The following SYT1 variants were observed in gnomAD, a reference collection of about 807,000 sequenced individuals.
The protein encoded by SYT1 is synaptotagmin-1.
In SYT1, 8 loss-of-function variants were observed where a neutral mutation model predicts 44.8. The ratio of observed to expected loss-of-function variants is 0.18; its 90% CI spans 0.10 to 0.32. SYT1 has a LOEUF of 0.32. Ranked by LOEUF, SYT1 falls within the 10% of genes least tolerant of loss-of-function variation. The probability of loss-of-function intolerance (pLI) is 1.00; values close to 1 mark genes in which losing one functional copy is unlikely to be tolerated. For missense variants in SYT1, 286 were observed against 509.3 expected (o/e 0.56, Z 4.22); for synonymous variants, 154 against 188.8 (o/e 0.82, Z 1.51).
At chr12:78,917,988 T>C (rs1471773521) in intron 1 of SYT1, among the ~76,000 whole-genome samples, 2 of 152,102 alleles carry the variant, frequency 1.3e-5, no homozygotes, top group Admixed American at 6.6e-5. Flanking sequence ...AGCTCAGAAA[T>C]GTACAAGCAA....
At chr12:78,979,720 T>C (rs1869105991) in intron 2 of SYT1, among the ~76,000 whole-genome samples, 1 of 152,108 alleles carries the variant, frequency 6.6e-6, no homozygotes, top group Admixed American at 6.6e-5. Flanking sequence ...AATTTTAATA[T>C]TTAGTGTTAA....
intron 3 of SYT1, among the ~76,000 whole-genome samples, chr12:79,167,238 A>G (rs1871270609): frequency 6.6e-6 from 1 of 152,078 alleles, no homozygotes; most frequent in Non-Finnish European, 1.5e-5. Context: ...TTTCAAGAAG[A>G]CGTAGGGCAT....
intron 9 of SYT1, among the ~76,000 whole-genome samples, chr12:79,358,913 G>A (rs929711784): frequency 6.6e-6 from 1 of 152,086 alleles, no homozygotes; most frequent in Non-Finnish European, 1.5e-5. Context: ...ATAGCTCCAG[G>A]GTGCCCCCTT....
At chr12:79,408,874 C>G (rs1379926047) in intron 9 of SYT1, among the ~76,000 whole-genome samples, 1 of 151,948 alleles carries the variant, frequency 6.6e-6, no homozygotes, top group African/African-American at 2.4e-5. Context: ...CCTGAGTCTA[C>G]AATTATGCAC....
intron 2 of SYT1, among the ~76,000 whole-genome samples, chr12:79,044,899 A>G (rs565694149): frequency 2.6e-5 from 4 of 152,164 alleles, no homozygotes; most frequent in Non-Finnish European, 5.9e-5. Flanking sequence ...GTGAGGTGTC[A>G]GTGTGCCCCT....
At chr12:79,095,164 G>C (rs1017991344) in intron 3 of SYT1, among the ~76,000 whole-genome samples, 2 of 151,790 alleles carry the variant, frequency 1.3e-5, no homozygotes, top group Non-Finnish European at 2.9e-5. Context: ...ATTATCAAAC[G>C]AGTACCCCAA....
chr12:78,903,684 AT>A (rs1875794433), intron 1 of SYT1, among the ~76,000 whole-genome samples: 1 of 152,094 alleles, frequency 6.6e-6, no homozygotes, highest in African/African-American at 2.4e-5. Context: ...GGTTTTCTTT[AT>A]TGGTTAAAGA....
chr12:78,969,745 A>C (rs1868332493), intron 1 of SYT1, among the ~76,000 whole-genome samples: 1 of 152,232 alleles, frequency 6.6e-6, no homozygotes, highest in African/African-American at 2.4e-5. Flanking sequence ...AGTTATCATC[A>C]GAGCAAAGGT....
intron 3 of SYT1, among the ~76,000 whole-genome samples, chr12:79,183,448 G>T (rs1046599610): frequency 6.6e-6 from 1 of 151,934 alleles, no homozygotes; most frequent in African/African-American, 2.4e-5. Context: ...CAGGGAAAAG[G>T]GTGCTACTGG....
intron 3 of SYT1, among the ~76,000 whole-genome samples, chr12:79,129,798 A>T (rs1256310662): frequency 6.6e-6 from 1 of 152,184 alleles, no homozygotes; most frequent in Non-Finnish European, 1.5e-5. Flanking sequence ...GGTGGCTTTT[A>T]ATATAGTAAA....
At chr12:79,093,008 A>C (rs1877883530) in intron 3 of SYT1, among the ~76,000 whole-genome samples, 2 of 151,744 alleles carry the variant, frequency 1.3e-5, no homozygotes, top group African/African-American at 4.8e-5. Context: ...TTTGGAATAC[A>C]TGTGAATAAC....
chr12:79,160,933 C>T (rs1438827463), intron 3 of SYT1, among the ~76,000 whole-genome samples: 1 of 152,064 alleles, frequency 6.6e-6, no homozygotes, highest in Non-Finnish European at 1.5e-5. Context: ...GATAGTGGTC[C>T]ATAAAATTAT....
chr12:78,905,850 C>T (rs1875951739), intron 1 of SYT1, among the ~76,000 whole-genome samples: 1 of 151,788 alleles, frequency 6.6e-6, no homozygotes, highest in Admixed American at 6.6e-5. Flanking sequence ...ATTTAAAACT[C>T]TAATATGGAG....
At chr12:79,429,591 C>T (rs552327631) in intron 9 of SYT1, among the ~76,000 whole-genome samples, 4 of 150,390 alleles carry the variant, frequency 2.7e-5, no homozygotes, top group South Asian at 2.1e-4. Context: ...TGCAGTGACG[C>T]GATCTCGGCT....
At chr12:79,363,416 AG>A (rs1172777965) in intron 9 of SYT1, among the ~76,000 whole-genome samples, 1 of 152,038 alleles carries the variant, frequency 6.6e-6, no homozygotes, top group Non-Finnish European at 1.5e-5. Context: ...GAAACATCAA[AG>A]ACAGTCTTTT....
At chr12:79,240,700 G>T (rs991173041) in intron 4 of SYT1, among the ~76,000 whole-genome samples, 2 of 152,054 alleles carry the variant, frequency 1.3e-5, no homozygotes, top group African/African-American at 4.8e-5. Context: ...GAGTTTCTGT[G>T]CTTAATTTGA....
At chr12:78,919,719 T>G (rs577169693) in intron 1 of SYT1, among the ~76,000 whole-genome samples, 2 of 152,036 alleles carry the variant, frequency 1.3e-5, no homozygotes, top group Non-Finnish European at 2.9e-5. Context: ...AGAAAGGTGT[T>G]GGATGCTAAG....
At chr12:79,439,544 A>C (rs1005692028) in intron 9 of SYT1, among the ~76,000 whole-genome samples, 4 of 152,192 alleles carry the variant, frequency 2.6e-5, no homozygotes, top group Admixed American at 2.0e-4. Context: ...TTACCAATTC[A>C]GCAAAGTGAG....
At chr12:79,185,065 A>T (rs527867532) in intron 3 of SYT1, among the ~76,000 whole-genome samples, 1 of 152,032 alleles carries the variant, frequency 6.6e-6, no homozygotes, top group Non-Finnish European at 1.5e-5. Context: ...GGCTCTCTCC[A>T]CTATGAATTG....
Sources: allele counts gnomAD v4.1 joint callset (sites outside exome capture counted in the v4.1 genomes callset), GRCh38; gene constraint gnomAD v4.1.1; transcripts MANE v1.5; gene names NCBI Gene and HGNC (gene_info 2026-07-23, HGNC 2026-07-21).